KRT36: variants seen among roughly 807,000 people sequenced by gnomAD.
The protein encoded by KRT36 is keratin 36.
KRT36 carries 41 observed loss-of-function variants against 43.0 expected under a neutral mutation model. That is an observed-to-expected ratio of 0.95 (90% CI 0.74 to 1.24). The LOEUF (loss-of-function observed/expected upper bound fraction) is 1.24, where lower values mean the gene tolerates loss of function less well. KRT36 is among the 50% of genes most tolerant of loss of function. The pLI, the probability that KRT36 is intolerant of heterozygous loss-of-function variation, is 0.00. For missense variants in KRT36, 627 were observed against 595.3 expected (o/e 1.05, Z -0.55); for synonymous variants, 277 against 252.9 (o/e 1.10, Z -0.90).
Position 41,488,241 on chromosome 17 carries a change from A to G in KRT36, c.699+2T>C, listed in dbSNP as rs1412230918. On this transcript the variant is annotated splice_donor_variant, in intron 3 of 6. Transcript: ENST00000328119. LOFTEE classifies it high-confidence loss of function. The stretch of plus-strand genomic sequence containing the variant: ...TGGGAAGTCACATGGCACCAGCCTC[A>G]CCTCCTCGTGATTCTTCTTGAGGCA... 6.2e-7 allele frequency: 1 copy of G among 1,613,066 alleles called. No homozygotes were observed. The highest frequency in any genetic ancestry group is 8.5e-7 in the Non-Finnish European group (1 of 1,179,392).
Position 41,486,147 on chromosome 17 carries a change from A to G in KRT36, c.*229T>C, listed in dbSNP as rs1489596333. Reference sequence around the variant, plus strand: ...AGAGTCAGCCAGGGTTGAGTTTGCTATGCCAGGAGAACACACTTTATTGGG... The same window carrying G: ...AGAGTCAGCCAGGGTTGAGTTTGCTGTGCCAGGAGAACACACTTTATTGGG... On this transcript the variant is annotated 3_prime_UTR_variant, in exon 7 of 7. Coordinates refer to ENST00000328119, the MANE Select transcript of KRT36 (RefSeq NM_003771.5). 5 of 529,822 alleles carry G rather than the reference A, an allele frequency of 9.4e-6. No homozygotes were observed. Among genetic ancestry groups the G allele is most frequent in the Non-Finnish European group, 1.7e-5 (5 of 298,434 alleles). 32.8% of individuals were successfully genotyped at this position (529,822 alleles called of 1,614,324 possible).
intron 4 of KRT36, 42 bp downstream of exon 4, chr17:41,487,534 C>G (rs1357859705): frequency 6.2e-7 from 1 of 1,612,902 alleles, no homozygotes; most frequent in East Asian, 2.2e-5. Flanking sequence ...CAAGGGTAAC[C>G]CCAGCCCAGG....
intron 6 of KRT36, 104 bp from the exon 7 acceptor site, chr17:41,486,675 C>G (rs897618862): frequency 3.3e-6 from 3 of 912,808 alleles, no homozygotes; most frequent in African/African-American, 3.4e-5. Flanking sequence ...GGCCCCGGAT[C>G]ATCTCAGTGC....
chr17:41,486,864 TG>T, intron 6 of KRT36, 85 bp downstream of exon 6: 2 of 1,267,330 alleles, frequency 1.6e-6, no homozygotes, highest in Non-Finnish European at 2.2e-6. Flanking sequence ...TCCCTTCATC[TG>T]GGCGACAACC....
intron 1 of KRT36, 130 bp downstream of exon 1, chr17:41,489,276 A>T: frequency 1.0e-6 from 1 of 977,518 alleles, no homozygotes; most frequent in Non-Finnish European, 1.5e-6. Context: ...CCAAAGCCCT[A>T]GAGAGAAAAG....
chr17:41,488,790 A>G, intron 1 of KRT36, 66 bp from the exon 2 acceptor site: 1 of 1,333,426 alleles, frequency 7.5e-7, no homozygotes, highest in Non-Finnish European at 1.1e-6. Flanking sequence ...GTAGGGGGAT[A>G]GCTCAGCTCA....
chr17:41,486,612 G>C, intron 6 of KRT36, 41 bp from the exon 7 acceptor site: 1 of 1,441,012 alleles, frequency 6.9e-7, no homozygotes, highest in East Asian at 2.4e-5. Flanking sequence ...TGGCATCGGA[G>C]CACTGGGCTG....
Position 41,487,360 on chromosome 17 carries a change from C to A in KRT36, c.978G>T (p.Gln326His). Residue 326 changes from glutamine to histidine, a missense_variant, in exon 5 of 7, where the codon CAG becomes CAT. By Grantham distance (24) the Gln-to-His change is conservative. Transcript: ENST00000328119. ...GGCAGGGGCCACTCACCATGCTGTG[C>A]TGAGCCTGCAGCTCAATCTCTAGCG... The part of the protein sequence containing the change: ...VNALEIELQA[Q>H]HSMRNSLEST... 6.2e-7 allele frequency: 1 copy of A among 1,611,470 alleles called. No individual in the cohort carries two copies. The highest frequency in any genetic ancestry group is 1.1e-5 in the South Asian group (1 of 90,912).
In KRT36 at chr17:41,489,620, C is replaced by A. The variant is rs910610760; in HGVS notation, c.245G>T (p.Gly82Val). The change falls in exon 1 of 7, where the codon GGC becomes GTC. Residue 82 changes from glycine (G) to valine (V), a missense_variant. Transcript: ENST00000328119. ...CHTSGFVGSGGWFCEGSFNGS... is the reference protein window; with the variant it reads ...CHTSGFVGSGVWFCEGSFNGS... ...GTTGAAGGAGCCCTCGCAGAACCAG[C>A]CCCCGCTCCCCACAAAGCCAGAGGT... is the stretch of plus-strand genomic sequence containing the variant. 3 of 1,614,046 alleles carry A rather than the reference C, an allele frequency of 1.9e-6. No individual in the cohort carries two copies. The highest frequency in any genetic ancestry group is 2.5e-6 in the Non-Finnish European group (3 of 1,180,036).
At position 41,487,617 on chromosome 17, in the gene KRT36, C is replaced by T. The variant is rs1904441368; in HGVS notation, c.820G>A (p.Glu274Lys). 1 of 1,614,204 alleles carries T rather than the reference C, an allele frequency of 6.2e-7. No homozygotes were observed. The highest frequency in any genetic ancestry group is 8.5e-7 in the Non-Finnish European group (1 of 1,180,008). ...DMRCQYEALVENNRRDVEAWF... is the reference protein window; with the variant it reads ...DMRCQYEALVKNNRRDVEAWF... ...GCCTCCACATCTCTGCGGTTATTCTCCACCAGGGCCTCGTACTGGCATCTC... is the reference window on the plus strand; with the variant it reads ...GCCTCCACATCTCTGCGGTTATTCTTCACCAGGGCCTCGTACTGGCATCTC... Residue 274 changes from glutamate (E) to lysine (K), a missense_variant, in exon 4 of 7, where the codon GAG becomes AAG. Coordinates refer to ENST00000328119, the MANE Select transcript of KRT36 (RefSeq NM_003771.5).
Position 41,487,448 on chromosome 17 carries a change from G to A in KRT36, c.890C>T (p.Ser297Phe), listed in dbSNP as rs1460956136. ...GCAGCACTGCAGCTGCTCCGAGCTG[G>A]ACACCACCTGCTGGTTCAGCTCCTC... ...QTEELNQQVV[S>F]SSEQLQCCQT... Residue 297 changes from serine to phenylalanine, a missense_variant, in exon 5 of 7, where the codon TCC becomes TTC. Coordinates refer to ENST00000328119, the MANE Select transcript of KRT36 (RefSeq NM_003771.5). 3 of 1,614,164 alleles carry A rather than the reference G, an allele frequency of 1.9e-6. No individual in the cohort carries two copies. The Admixed American group carries it at 5.0e-5, about 27-fold the overall frequency.
chr17:41,486,253 G>T lies in KRT36; in HGVS notation c.*123C>A. On this transcript the variant is annotated 3_prime_UTR_variant, in exon 7 of 7. Coordinates refer to ENST00000328119, the MANE Select transcript of KRT36 (RefSeq NM_003771.5). ...ACACAATACGGGGAGTGTTTTGGTA[G>T]AAAAACCTGCTAAGCGTAGGGGGAC... is the stretch of plus-strand genomic sequence containing the variant. 1.4e-6 allele frequency: 1 copy of T among 719,936 alleles called. No homozygotes were observed. Among genetic ancestry groups the T allele is most frequent in the Non-Finnish European group, 2.2e-6 (1 of 444,538 alleles). 44.6% of individuals were successfully genotyped at this position (719,936 alleles called of 1,614,324 possible).
In KRT36 at chr17:41,487,557, C is replaced by CA; in HGVS notation, c.861+18dup. ...ACCCCAGCCCAGGAGCCTGTGGTCC[C>CA]AGGGCACCCCAGCCCCACCTGGGTG... On this transcript the variant is annotated intron_variant, in intron 4 of 6. Coordinates refer to ENST00000328119, the MANE Select transcript of KRT36 (RefSeq NM_003771.5). The CA allele has an allele frequency of 6.2e-7, 1 of 1,613,320 alleles. No homozygotes were observed. Among genetic ancestry groups the CA allele is most frequent in the Non-Finnish European group, 8.5e-7 (1 of 1,179,514 alleles).
chr17:41,489,371 G>A lies in KRT36; in HGVS notation c.459+35C>T, dbSNP rs115828690. ...GAGACAGACGCCTCCTAAGAGTTGGGCTGCTCAGCTGGAAAGGGGCCAGGT... is the reference window on the plus strand; with the variant it reads ...GAGACAGACGCCTCCTAAGAGTTGGACTGCTCAGCTGGAAAGGGGCCAGGT... On this transcript the variant is annotated intron_variant, in intron 1 of 6. Transcript: ENST00000328119. 452 of 1,597,342 alleles carry A rather than the reference G, an allele frequency of 2.8e-4. 1 individual carries two copies. The African/African-American group carries it at 5.2e-3, about 18-fold the overall frequency.
Position 41,488,274 on chromosome 17 carries a change from T to G in KRT36, c.668A>C (p.Glu223Ala). 6.2e-7 allele frequency: 1 copy of G among 1,613,990 alleles called. No homozygotes were observed. Among genetic ancestry groups the G allele is most frequent in the Non-Finnish European group, 8.5e-7 (1 of 1,179,976 alleles). Residue 223 changes from glutamate to alanine, a missense_variant, in exon 3 of 7, where the codon GAG becomes GCG. Glu to Ala is a moderately radical substitution (Grantham distance 107, BLOSUM62 -1). Coordinates refer to ENST00000328119, the MANE Select transcript of KRT36 (RefSeq NM_003771.5). ...GTGATTCTTCTTGAGGCACATCAGCTCCTCCTTCAGGGACTCCACCTGAGC... is the reference window on the plus strand; with the variant it reads ...GTGATTCTTCTTGAGGCACATCAGCGCCTCCTTCAGGGACTCCACCTGAGC... ...LEAQVESLKE[E>A]LMCLKKNHEE...
chr17:41,486,469 G>A lies in KRT36; in HGVS notation c.1311C>T (p.Pro437=). Residue 437 remains proline (P), a synonymous_variant, in exon 7 of 7, where the codon CCC becomes CCT. Coordinates refer to ENST00000328119, the MANE Select transcript of KRT36 (RefSeq NM_003771.5). ...CVPSVPCTPA[P]QVGTQIRTIT... ...TGGTGCGGATCTGAGTGCCAACCTG[G>A]GGAGCCGGGGTGCAGGGCACAGAGG... is the stretch of plus-strand genomic sequence containing the variant. 1 of 1,614,054 alleles carries A rather than the reference G, an allele frequency of 6.2e-7. No homozygotes were observed. Among genetic ancestry groups the A allele is most frequent in the South Asian group, 1.1e-5 (1 of 91,080 alleles).
intron 1 of KRT36, 74 bp from the exon 2 acceptor site, chr17:41,488,798 T>C: frequency 8.1e-7 from 1 of 1,236,624 alleles, no homozygotes; most frequent in South Asian, 1.2e-5. Flanking sequence ...ATAGCTCAGC[T>C]CACAGAGGCC....
chr17:41,487,015 G>C lies in KRT36; in HGVS notation c.1143C>G (p.Asp381Glu). 1.9e-6 allele frequency: 3 copies of C among 1,614,110 alleles called. No individual in the cohort carries two copies. The highest frequency in any genetic ancestry group is 2.5e-6 in the Non-Finnish European group (3 of 1,180,036). The change falls in exon 6 of 7, where the codon GAC becomes GAG. Residue 381 changes from aspartate (D) to glutamate (E), a missense_variant. Physicochemically the swap from Asp to Glu is conservative, Grantham distance 45 (BLOSUM62 2). Transcript: ENST00000328119. ...RQNQEYQVLLDVKARLEGEIA... is the reference protein window; with the variant it reads ...RQNQEYQVLLEVKARLEGEIA... ...TCTCGCCCTCCAGCCGGGCCTTGAC[G>C]TCCAGTAACACCTGGTACTCCTGGT...
At chr17:41,488,928 G>A (rs889005122) in intron 1 of KRT36, among the ~76,000 whole-genome samples, 4 of 152,150 alleles carry the variant, frequency 2.6e-5, no homozygotes, top group Admixed American at 6.5e-5. Flanking sequence ...CAGTCCTGGC[G>A]CCTGTAGCCT....
Sources: gnomAD v4.1 joint callset for allele counts (sites outside exome capture counted in the v4.1 genomes callset) on GRCh38, gnomAD v4.1.1 for gene constraint, MANE v1.5 for transcripts, NCBI Gene and HGNC (gene_info 2026-07-23, HGNC 2026-07-21) for gene names.